The following DSCAM variants were observed in gnomAD, a reference collection of about 807,000 sequenced individuals.
The protein encoded by DSCAM is DS cell adhesion molecule.
Under a neutral mutation model 217.7 loss-of-function variants are expected in DSCAM, and 47 were observed. The observed-to-expected ratio is 0.22, with a 90% CI of 0.17 to 0.28. The LOEUF is 0.28. Ranked by LOEUF, DSCAM falls within the 10% of genes least tolerant of loss-of-function variation. DSCAM has a pLI of 1.00. For missense variants in DSCAM, 2,080 were observed against 2,618.3 expected, an observed-to-expected ratio of 0.79 and a Z score of 4.49; for synonymous variants, 1,056 against 1,015.3, an observed-to-expected ratio of 1.04 and a Z score of -0.76.
intron 3 of DSCAM, among the ~76,000 whole-genome samples, chr21:40,578,620 C>T (rs559708154): frequency 3.9e-5 from 6 of 152,276 alleles, no homozygotes; most frequent in East Asian, 1.9e-4. Context: ...CACTGTGGTA[C>T]CTTTGTTCTT....
At chr21:40,107,400 A>C (rs2089834839) in intron 20 of DSCAM, among the ~76,000 whole-genome samples, 1 of 152,292 alleles carries the variant, frequency 6.6e-6, no homozygotes, top group South Asian at 2.1e-4. Context: ...TAATATGATC[A>C]ATTTTACAGT....
At chr21:40,530,151 T>C (rs1318898301) in intron 3 of DSCAM, among the ~76,000 whole-genome samples, 1 of 152,182 alleles carries the variant, frequency 6.6e-6, no homozygotes, top group African/African-American at 2.4e-5. Flanking sequence ...AAGTGCACCA[T>C]TCCATGGTCA....
rs148644803 is a variant in DSCAM at position 40,420,315 on chromosome 21, C to G, written c.509-51070G>C. Among the ~76,000 whole-genome samples the G allele has an allele frequency of 4.6e-3, 699 of 152,280 alleles. 4 individuals carry two copies. The highest frequency in any genetic ancestry group is 0.016 in the African/African-American group (658 of 41,568). On this transcript the variant is annotated intron_variant, in intron 3 of 32. Transcript: ENST00000400454. ...TGCGCTTGAGTGTATGACTCAAGAT[C>G]TATGACTTGGGTTCTGGATTTCGTT...
chr21:40,697,972 C>T (rs2090613195), intron 2 of DSCAM, among the ~76,000 whole-genome samples: 1 of 152,142 alleles, frequency 6.6e-6, no homozygotes, highest in Admixed American at 6.5e-5. Context: ...CATGAAATAA[C>T]TTTCCATTTT....
intron 3 of DSCAM, among the ~76,000 whole-genome samples, chr21:40,600,694 G>C (rs143999479): frequency 6.6e-6 from 1 of 151,986 alleles, no homozygotes; most frequent in Non-Finnish European, 1.5e-5. Context: ...GAGTTTTTTT[G>C]TTGTTGTTGT....
At chr21:40,322,611 G>A (rs1569062911) in intron 8 of DSCAM, among the ~76,000 whole-genome samples, 1 of 151,302 alleles carries the variant, frequency 6.6e-6, no homozygotes. Context: ...GGCAACCTCC[G>A]CCTCCCAGGT....
chr21:40,612,039 T>C (rs776968195), intron 3 of DSCAM, among the ~76,000 whole-genome samples: 13 of 152,230 alleles, frequency 8.5e-5, no homozygotes, highest in Middle Eastern at 3.4e-3. Context: ...AGAGAGCACA[T>C]TGTGAGATGA....
intron 3 of DSCAM, among the ~76,000 whole-genome samples, chr21:40,514,881 G>T (rs2146071351): frequency 1.3e-5 from 2 of 152,276 alleles, no homozygotes; most frequent in East Asian, 1.9e-4. Context: ...TGTGGAATGG[G>T]TCAGCTGATC....
intron 11 of DSCAM, among the ~76,000 whole-genome samples, chr21:40,205,112 T>C (rs1298479774): frequency 1.3e-5 from 2 of 152,198 alleles, no homozygotes; most frequent in African/African-American, 4.8e-5. Context: ...AGGGGGTTTT[T>C]AAAGTTCAGA....
At chr21:40,232,378 T>C (rs896068816) in intron 11 of DSCAM, among the ~76,000 whole-genome samples, 2 of 152,134 alleles carry the variant, frequency 1.3e-5, no homozygotes, top group South Asian at 4.1e-4. Flanking sequence ...GAGCATGGGG[T>C]ATGATAGACC....
chr21:40,583,536 G>A (rs983129220), intron 3 of DSCAM, among the ~76,000 whole-genome samples: 3 of 152,030 alleles, frequency 2.0e-5, no homozygotes, highest in African/African-American at 7.2e-5. Flanking sequence ...AACTTTAAGG[G>A]ACCTCAGACC....
intron 3 of DSCAM, among the ~76,000 whole-genome samples, chr21:40,629,152 G>A (rs2089653258): frequency 6.6e-6 from 1 of 151,152 alleles, no homozygotes; most frequent in South Asian, 2.1e-4. Flanking sequence ...CACTTAGGAT[G>A]TTTACTCTAC....
chr21:40,039,229 C>T lies in DSCAM; in HGVS notation c.5686+3142G>A, dbSNP rs118036650. Among the ~76,000 whole-genome samples the T allele has an allele frequency of 5.7e-3, 852 of 150,242 alleles. 5 individuals carry two copies. The highest frequency in any genetic ancestry group is 9.1e-3 in the African/African-American group (369 of 40,770). ...AAAAACTAAAGTCTAACAGGGGAAACGTGTCAGAAAAAAATACCAATGTAG... is the reference window on the plus strand; with the variant it reads ...AAAAACTAAAGTCTAACAGGGGAAATGTGTCAGAAAAAAATACCAATGTAG... On this transcript the variant is annotated intron_variant, in intron 32 of 32. Transcript: ENST00000400454.
chr21:40,373,349 C>G (rs1256225614), intron 3 of DSCAM, among the ~76,000 whole-genome samples: 6 of 152,040 alleles, frequency 3.9e-5, no homozygotes, highest in Non-Finnish European at 5.9e-5. Context: ...ATTCGTTGGA[C>G]CAGCACTGTC....
chr21:40,643,981 A>G (rs1009625218), intron 3 of DSCAM, among the ~76,000 whole-genome samples: 2 of 152,196 alleles, frequency 1.3e-5, no homozygotes, highest in Admixed American at 6.5e-5. Flanking sequence ...CATTTGTTCA[A>G]TTGAGACCAG....
At chr21:40,036,723 T>A (rs1455665074) in intron 32 of DSCAM, among the ~76,000 whole-genome samples, 1 of 144,976 alleles carries the variant, frequency 6.9e-6, no homozygotes, top group Non-Finnish European at 1.5e-5. Flanking sequence ...AAAAAGAGAA[T>A]TTTAGACCAA....
In DSCAM at chr21:40,772,487, CTA is replaced by C. The variant is rs2091453892; in HGVS notation, c.44-63718_44-63717del. Among the ~76,000 whole-genome samples, 4 of 152,176 alleles carry C rather than the reference CTA, an allele frequency of 2.6e-5. No homozygotes were observed. In the South Asian group the frequency reaches 8.3e-4, roughly 32 times the overall value. On this transcript the variant is annotated intron_variant, in intron 1 of 32. Coordinates refer to ENST00000400454, the MANE Select transcript of DSCAM (RefSeq NM_001389.5). ...CCCAGCCTGATTTAATGGTTATTGC[CTA>C]TCTCTTTCCTCTCAGTTATAGGCAT...
At chr21:40,122,143 G>A (rs2090042124) in intron 20 of DSCAM, among the ~76,000 whole-genome samples, 1 of 152,064 alleles carries the variant, frequency 6.6e-6, no homozygotes, top group South Asian at 2.1e-4. Flanking sequence ...TTCAGGATAG[G>A]ATGTTTTTTC....
chr21:40,460,082 A>G (rs1044122501), intron 3 of DSCAM, among the ~76,000 whole-genome samples: 2 of 152,168 alleles, frequency 1.3e-5, no homozygotes, highest in South Asian at 4.1e-4. Flanking sequence ...AACAATGAGA[A>G]CACATGGACA....
Sources: allele counts gnomAD v4.1 joint callset (sites outside exome capture counted in the v4.1 genomes callset), GRCh38; gene constraint gnomAD v4.1.1; transcripts MANE v1.5; gene names NCBI Gene and HGNC (gene_info 2026-07-23, HGNC 2026-07-21).